OR2L13: variants seen among roughly 807,000 people sequenced by gnomAD.
OR2L13 encodes the protein olfactory receptor 2L13.
Under a neutral mutation model 15.3 loss-of-function variants are expected in OR2L13, and 14 were observed. The observed-to-expected ratio is 0.91, with a 90% confidence interval of 0.60 to 1.43. The LOEUF (loss-of-function observed/expected upper bound fraction) is 1.43, where lower values mean the gene tolerates loss of function less well. Ranked by LOEUF, OR2L13 falls within the 40% of genes most tolerant of loss-of-function variation. The pLI is 0.00. For synonymous variants in OR2L13, 152 were observed against 142.9 expected, an observed-to-expected ratio of 1.06 and a Z score of -0.45; for missense variants, 367 against 387.9, an observed-to-expected ratio of 0.95 and a Z score of 0.45.
chr1:247,973,764 A>T, the OR2L13 span, among the ~76,000 whole-genome samples: 3 of 152,228 alleles, frequency 2.0e-5, no homozygotes, highest in East Asian at 3.9e-4. Context: ...TGATCATTAA[A>T]ATGTCGGGAA....
At chr1:247,966,132 T>G in the OR2L13 span, 47 of 1,614,070 alleles carry the variant, frequency 2.9e-5, no homozygotes, top group Non-Finnish European at 4.0e-5. Context: ...GCCTGTTCTA[T>G]GCAACCACTC....
At chr1:247,975,874 A>G in the OR2L13 span, among the ~76,000 whole-genome samples, 1 of 152,086 alleles carries the variant, frequency 6.6e-6, no homozygotes, top group African/African-American at 2.4e-5. Context: ...TAGATCATTT[A>G]TTTTCCACTA....
At chr1:247,955,480 G>C in the OR2L13 span, among the ~76,000 whole-genome samples, 8 of 151,692 alleles carry the variant, frequency 5.3e-5, no homozygotes, top group African/African-American at 7.3e-5. Flanking sequence ...GCGATGGCTG[G>C]GTCAAATGGT....
chr1:247,942,724 A>C, the OR2L13 span, among the ~76,000 whole-genome samples: 1 of 152,142 alleles, frequency 6.6e-6, no homozygotes, highest in Non-Finnish European at 1.5e-5. Context: ...TATTAGGGTA[A>C]ATATATATAA....
the OR2L13 span, among the ~76,000 whole-genome samples, chr1:248,009,217 A>G: frequency 2.6e-5 from 4 of 152,134 alleles, no homozygotes; most frequent in Non-Finnish European, 5.9e-5. Flanking sequence ...AAAATCCTTC[A>G]AAAAATCAAT....
chr1:247,937,934 A>C, the OR2L13 span, among the ~76,000 whole-genome samples: 1 of 152,230 alleles, frequency 6.6e-6, no homozygotes, highest in Non-Finnish European at 1.5e-5. Context: ...AAACAATAGT[A>C]ATAAATGTTA....
At chr1:247,964,734 G>A in the OR2L13 span, among the ~76,000 whole-genome samples, 2 of 151,454 alleles carry the variant, frequency 1.3e-5, no homozygotes, top group East Asian at 1.9e-4. Context: ...TCTATGATAC[G>A]TGTTCTTAAA....
At chr1:247,967,661 C>G in the OR2L13 span, among the ~76,000 whole-genome samples, 1 of 151,966 alleles carries the variant, frequency 6.6e-6, no homozygotes, top group African/African-American at 2.4e-5. Flanking sequence ...GAAATACCAG[C>G]TTTTGATTTC....
chr1:248,043,600 A>G, the OR2L13 span, among the ~76,000 whole-genome samples: 1 of 152,188 alleles, frequency 6.6e-6, no homozygotes, highest in African/African-American at 2.4e-5. Flanking sequence ...CTAGACATGA[A>G]AGAGTTTGTG....
upstream of OR2L13, among the ~76,000 whole-genome samples, chr1:248,096,308 G>C (rs1014303912): frequency 1.3e-5 from 2 of 151,864 alleles, no homozygotes; most frequent in African/African-American, 4.8e-5. Flanking sequence ...GCGTGAACCC[G>C]GGAGGCGGAG....
At chr1:247,987,296 T>G in the OR2L13 span, among the ~76,000 whole-genome samples, 1 of 152,228 alleles carries the variant, frequency 6.6e-6, no homozygotes, top group Admixed American at 6.5e-5. Context: ...TTTCTACATA[T>G]ATAGTTATGT....
At chr1:248,003,545 G>A in the OR2L13 span, 4 of 1,612,614 alleles carry the variant, frequency 2.5e-6, no homozygotes, top group South Asian at 4.4e-5. Context: ...GAGCAAAAGA[G>A]TGTGTGTGCT....
the OR2L13 span, among the ~76,000 whole-genome samples, chr1:247,969,296 C>T: frequency 0.076 from 11,482 of 152,030 alleles, 930 homozygotes; most frequent in African/African-American, 0.21. Flanking sequence ...CTGTAGGTTG[C>T]CTGTTCACTC....
the OR2L13 span, among the ~76,000 whole-genome samples, chr1:248,054,306 C>G: frequency 4.6e-5 from 7 of 152,026 alleles, no homozygotes; most frequent in Non-Finnish European, 1.0e-4. Context: ...TATTCTGTTC[C>G]ATTGGTCTAT....
chr1:248,016,889 TGTC>T, the OR2L13 span, among the ~76,000 whole-genome samples: 1 of 152,150 alleles, frequency 6.6e-6, no homozygotes, highest in Non-Finnish European at 1.5e-5. Flanking sequence ...ATCTATAAAA[TGTC>T]GGTGGTGATG....
At chr1:248,020,793 C>T in the OR2L13 span, among the ~76,000 whole-genome samples, 1 of 151,466 alleles carries the variant, frequency 6.6e-6, no homozygotes, top group Non-Finnish European at 1.5e-5. Context: ...TATTTCATTT[C>T]ATTTTATTAT....
the OR2L13 span, chr1:247,975,667 T>A: frequency 9.4e-7 from 1 of 1,066,992 alleles, no homozygotes; most frequent in Admixed American, 1.8e-5. Context: ...GAAGACAAAC[T>A]TTCTGCCTTA....
the OR2L13 span, among the ~76,000 whole-genome samples, chr1:247,942,180 G>A: frequency 6.6e-6 from 1 of 152,070 alleles, no homozygotes; most frequent in Non-Finnish European, 1.5e-5. Context: ...CTAAATTCTG[G>A]GTTTTTAACC....
the OR2L13 span, chr1:248,022,681 CT>C: frequency 6.2e-7 from 1 of 1,614,152 alleles, no homozygotes; most frequent in Non-Finnish European, 8.5e-7. Context: ...ACCCACCTCA[CT>C]GTAGTAACTT....
Sources: gnomAD v4.1 joint callset for allele counts (sites outside exome capture counted in the v4.1 genomes callset) on GRCh38, gnomAD v4.1.1 for gene constraint, MANE v1.5 for transcripts, NCBI Gene and HGNC (gene_info 2026-07-23, HGNC 2026-07-21) for gene names.